RGS21: variants seen among roughly 807,000 people sequenced by gnomAD.
The protein encoded by RGS21 is regulator of G-protein signalling 21.
RGS21 carries 19 observed loss-of-function variants against 18.7 expected under a neutral mutation model. The ratio of observed to expected loss-of-function variants is 1.01; its 90% CI spans 0.71 to 1.49. The LOEUF is 1.49. RGS21 is among the 40% of genes most tolerant of loss of function. The probability of loss-of-function intolerance (pLI) is 0.00; values close to 1 mark genes in which losing one functional copy is unlikely to be tolerated. For missense variants in RGS21, 194 were observed against 176.8 expected, an observed-to-expected ratio of 1.10 and a Z score of -0.55; for synonymous variants, 56 against 57.8, an observed-to-expected ratio of 0.97 and a Z score of 0.14.
chr1:192,346,832 T>A (rs1304199616), intron 2 of RGS21, among the ~76,000 whole-genome samples: 1 of 152,146 alleles, frequency 6.6e-6, no homozygotes, highest in Non-Finnish European at 1.5e-5. Flanking sequence ...CAAAATGTTT[T>A]CAAGTTCATC....
At chr1:192,365,036 T>G (rs751454288) in intron 4 of RGS21, among the ~76,000 whole-genome samples, 12 of 151,058 alleles carry the variant, frequency 7.9e-5, no homozygotes, top group Non-Finnish European at 1.8e-4. Flanking sequence ...CTAGGGAGGC[T>G]AAGGCAGGAG....
At chr1:192,338,994 C>T (rs1432958423) in intron 1 of RGS21, among the ~76,000 whole-genome samples, 1 of 152,010 alleles carries the variant, frequency 6.6e-6, no homozygotes, top group Non-Finnish European at 1.5e-5. Context: ...GATATTTAGC[C>T]TCTTTGAGTC....
At chr1:192,327,229 GA>G (rs76223846) in intron 1 of RGS21, among the ~76,000 whole-genome samples, 5 of 151,188 alleles carry the variant, frequency 3.3e-5, no homozygotes, top group African/African-American at 4.9e-5. Context: ...AAAGAGCAAT[GA>G]AAAAAAAGAA....
At position 192,349,753 on chromosome 1, in the gene RGS21, G is replaced by A. The variant is rs574270843; in HGVS notation, c.89-2294G>A. 1.5e-3 allele frequency among the ~76,000 whole-genome samples: 230 copies of A among 152,182 alleles called. 1 individual carries two copies. The highest frequency in any genetic ancestry group is 5.3e-3 in the African/African-American group (221 of 41,530). Reference sequence around the variant, plus strand: ...TAAACCAACCTACAGGAGGAGGAAAGATACTAATTTTTAGTTGAGAGTAGC... The same window carrying A: ...TAAACCAACCTACAGGAGGAGGAAAAATACTAATTTTTAGTTGAGAGTAGC... On this transcript the variant is annotated intron_variant, in intron 3 of 4. Coordinates refer to ENST00000417209, the MANE Select transcript of RGS21 (RefSeq NM_001039152.3).
chr1:192,347,401 C>T lies in RGS21; in HGVS notation c.88+12C>T, dbSNP rs1658968409. On this transcript the variant is annotated intron_variant, in intron 3 of 4. Transcript: ENST00000417209. ...TTTAGCCAACCAAGGTAAGATTTAA[C>T]TAATAATAGGCTTAAAATACAATAA... is the stretch of plus-strand genomic sequence containing the variant. 2 of 1,323,418 alleles carry T rather than the reference C, an allele frequency of 1.5e-6. No individual in the cohort carries two copies. Among genetic ancestry groups the T allele is most frequent in the Non-Finnish European group, 2.2e-6 (2 of 918,336 alleles). 82.0% of individuals were successfully genotyped at this position (1,323,418 alleles called of 1,614,324 possible). A position where few individuals can be genotyped will look rare whatever the true frequency, so the allele number is the denominator to read the frequency against.
intron 3 of RGS21, among the ~76,000 whole-genome samples, chr1:192,351,507 T>C (rs933909484): frequency 6.6e-6 from 1 of 151,810 alleles, no homozygotes; most frequent in Admixed American, 6.6e-5. Flanking sequence ...CGTAGTGCAA[T>C]GAATCTTAAA....
chr1:192,330,316 G>A (rs545304736), intron 1 of RGS21, among the ~76,000 whole-genome samples: 18 of 152,126 alleles, frequency 1.2e-4, no homozygotes, highest in Non-Finnish European at 2.2e-4. Context: ...AACTAAAGAC[G>A]GTGAGGTTAA....
intron 1 of RGS21, among the ~76,000 whole-genome samples, chr1:192,329,505 G>T (rs772149947): frequency 6.6e-6 from 1 of 151,910 alleles, no homozygotes; most frequent in East Asian, 1.9e-4. Flanking sequence ...AGAGAAAAGG[G>T]GCATCTATGT....
chr1:192,323,893 T>C (rs147379229), intron 1 of RGS21, among the ~76,000 whole-genome samples: 2 of 152,124 alleles, frequency 1.3e-5, no homozygotes, highest in East Asian at 3.9e-4. Context: ...GGCTATTCCT[T>C]AGACAGATTC....
intron 1 of RGS21, among the ~76,000 whole-genome samples, chr1:192,333,090 G>C (rs191056907): frequency 1.0e-3 from 156 of 152,148 alleles, no homozygotes; most frequent in African/African-American, 3.6e-3. Context: ...CGAGCTGTTA[G>C]GGAATTAAAA....
chr1:192,332,026 A>G (rs941275205), intron 1 of RGS21, among the ~76,000 whole-genome samples: 1 of 152,146 alleles, frequency 6.6e-6, no homozygotes, highest in African/African-American at 2.4e-5. Context: ...AGGGCTTACC[A>G]TGGTAAAAAT....
intron 1 of RGS21, among the ~76,000 whole-genome samples, chr1:192,328,047 T>C (rs1383311395): frequency 6.6e-6 from 1 of 152,180 alleles, no homozygotes; most frequent in Non-Finnish European, 1.5e-5. Flanking sequence ...GTAAAATCCA[T>C]GTAATTGGCA....
intron 1 of RGS21, among the ~76,000 whole-genome samples, chr1:192,338,178 A>T (rs1178769000): frequency 2.6e-5 from 4 of 152,130 alleles, no homozygotes; most frequent in Non-Finnish European, 5.9e-5. Context: ...AAACATTTCT[A>T]ACTTCTCCAT....
chr1:192,347,275 A>G (rs1233802647), intron 2 of RGS21, 38 bp from the exon 3 acceptor site: 1 of 1,240,756 alleles, frequency 8.1e-7, no homozygotes, highest in Admixed American at 1.7e-5. Context: ...ACTATTGGTT[A>G]AAGAAGAAAA....
At chr1:192,364,579 GGAA>G (rs1659228910) in intron 4 of RGS21, among the ~76,000 whole-genome samples, 1 of 152,050 alleles carries the variant, frequency 6.6e-6, no homozygotes, top group African/African-American at 2.4e-5. Context: ...TAGCTGAGGA[GGAA>G]TTTGATTGCA....
chr1:192,339,264 A>G (rs1383049321), intron 1 of RGS21, among the ~76,000 whole-genome samples: 1 of 152,014 alleles, frequency 6.6e-6, no homozygotes, highest in Non-Finnish European at 1.5e-5. Flanking sequence ...CATCAAGATA[A>G]AATATGATAC....
At chr1:192,338,634 T>G (rs1658806516) in intron 1 of RGS21, among the ~76,000 whole-genome samples, 1 of 152,080 alleles carries the variant, frequency 6.6e-6, no homozygotes, top group South Asian at 2.1e-4. Context: ...CTTTTGATCA[T>G]TCTTTCTTCT....
At chr1:192,341,503 C>T (rs539268775) in intron 1 of RGS21, among the ~76,000 whole-genome samples, 24 of 152,152 alleles carry the variant, frequency 1.6e-4, no homozygotes, top group Non-Finnish European at 2.9e-4. Flanking sequence ...AATAAGAAAG[C>T]TTATTTCCTC....
intron 2 of RGS21, among the ~76,000 whole-genome samples, chr1:192,345,816 C>A (rs146704359): frequency 6.6e-6 from 1 of 151,878 alleles, no homozygotes; most frequent in South Asian, 2.1e-4. Flanking sequence ...TTTAAATGAT[C>A]GTATAACTTT....
Sources: gnomAD v4.1 joint callset for allele counts (sites outside exome capture counted in the v4.1 genomes callset) on GRCh38, gnomAD v4.1.1 for gene constraint, MANE v1.5 for transcripts, NCBI Gene and HGNC (gene_info 2026-07-23, HGNC 2026-07-21) for gene names.